The following ENO4 variants were observed in gnomAD, a reference collection of about 807,000 sequenced individuals.
ENO4 encodes the protein 2-phospho-D-glycerate hydro-lyase.
A neutral mutation model predicts 63.2 loss-of-function variants in ENO4; 53 were observed. The observed-to-expected ratio is 0.84, with a 90% CI of 0.67 to 1.05. The LOEUF is 1.05. Ranked by LOEUF, ENO4 falls within the 50% of genes least tolerant of loss-of-function variation. The probability of loss-of-function intolerance (pLI) is 0.00; values close to 1 mark genes in which losing one functional copy is unlikely to be tolerated. For missense variants in ENO4, 719 were observed against 772.0 expected (o/e 0.93, Z 0.81); for synonymous variants, 266 against 283.8 (o/e 0.94, Z 0.63).
intron 10 of ENO4, chr10:116,900,332 T>C (rs1208876758): frequency 5.2e-6 from 3 of 576,886 alleles, no homozygotes; most frequent in Admixed American, 3.0e-5. Context: ...GAGAAATAAA[T>C]TGAGCTTCAC....
chr10:116,874,096 G>T lies in ENO4; in HGVS notation c.1236G>T (p.Val412=). The T allele has an allele frequency of 6.5e-7, 1 of 1,549,052 alleles. No individual in the cohort carries two copies. The highest frequency in any genetic ancestry group is 1.4e-5 in the African/African-American group (1 of 73,136). The change falls in exon 10 of 14, where the codon GTG becomes GTT. Residue 412 remains valine (V), a synonymous_variant. Coordinates refer to ENST00000341276, the MANE Select transcript of ENO4 (RefSeq NM_001242699.2). ...ATCAGAATAAAGGAAAGTATGAAGT[G>T]ATCATGGGCACATACAAAAATGCAG... ...LMDYNKGKYE[V]IMGTYKNAAE... is the part of the protein sequence containing the mutation.
chr10:116,910,258 T>C (rs553618807), intron 10 of ENO4, among the ~76,000 whole-genome samples: 78 of 152,218 alleles, frequency 5.1e-4, no homozygotes, highest in Admixed American at 2.0e-3. Context: ...TTAAAAAAAC[T>C]TAATGTAAAG....
intron 3 of ENO4, 53 bp from the exon 4 acceptor site, chr10:116,858,937 A>G: frequency 2.4e-6 from 3 of 1,244,806 alleles, no homozygotes; most frequent in South Asian, 2.8e-5. Flanking sequence ...CCAAAATCAC[A>G]GAGTGATATT....
chr10:116,880,010 T>C, intron 13 of ENO4, 24 bp downstream of exon 13: 1 of 1,499,146 alleles, frequency 6.7e-7, no homozygotes, highest in Non-Finnish European at 9.1e-7. Flanking sequence ...TCTTGCTTTG[T>C]TTCCACTTAG....
At chr10:116,888,536 C>A (rs1032860989) in intron 10 of ENO4, among the ~76,000 whole-genome samples, 6 of 152,172 alleles carry the variant, frequency 3.9e-5, no homozygotes, top group Admixed American at 3.9e-4. Context: ...TGGGGACAAA[C>A]TAGAGCTGCA....
chr10:116,860,823 A>G lies in ENO4; in HGVS notation c.664A>G (p.Ile222Val), dbSNP rs1186743566. Residue 222 changes from isoleucine (I) to valine (V), a missense_variant, in exon 5 of 14, where the codon ATT becomes GTT. This residue lies in a region of ENO4 where 544 missense variants were observed against 583.6 expected (regional missense o/e 0.93). Coordinates refer to ENST00000341276, the MANE Select transcript of ENO4 (RefSeq NM_001242699.2). ...GRKDTITEKP[I>V]APAEPVEPVL... ...GAAGGATACTATTACAGAGAAACCT[A>G]TTGCGCCTGCAGAGCCTGTTGAGCC... 8 of 1,537,234 alleles carry G rather than the reference A, an allele frequency of 5.2e-6. No homozygotes were observed. The highest frequency in any genetic ancestry group is 2.5e-5 in the East Asian group (1 of 40,686).
Position 116,859,024 on chromosome 10 carries a change from G to A in ENO4, c.520G>A (p.Gly174Arg), listed in dbSNP as rs1442156678. 2 of 1,535,494 alleles carry A rather than the reference G, an allele frequency of 1.3e-6. No individual in the cohort carries two copies. The highest frequency in any genetic ancestry group is 1.7e-6 in the Non-Finnish European group (2 of 1,146,628). Reference protein sequence around the residue: ...FFASKVQEDKGRKELEKSLEY... With the variant: ...FFASKVQEDKRRKELEKSLEY... ...CGCAAGTAAAGTACAAGAAGATAAG[G>A]GGAGAAAAGAATTGGAAAAGAGCCT... The change falls in exon 4 of 14, where the codon GGG (glycine) becomes AGG (arginine). Residue 174 changes from glycine (G) to arginine (R), a missense_variant. Gly to Arg is a moderately radical substitution (Grantham distance 125). Around this residue, in one of 3 missense-constraint regions of ENO4, gnomAD observed 544 missense variants for 583.6 expected, o/e 0.93. Coordinates refer to ENST00000341276, the MANE Select transcript of ENO4 (RefSeq NM_001242699.2).
At chr10:116,860,768 C>A in intron 4 of ENO4, 26 bp from the exon 5 acceptor site, 1 of 1,397,726 alleles carries the variant, frequency 7.2e-7, no homozygotes, top group Non-Finnish European at 9.5e-7. Context: ...GAAATACAGT[C>A]TTACTCTCAA....
rs1847039516 is a variant in ENO4, at chr10:116,882,290, A to C, written c.*621A>C. 6.6e-6 allele frequency: 1 copy of C among 152,044 alleles called. No individual in the cohort carries two copies. The highest frequency in any genetic ancestry group is 6.6e-5 in the Admixed American group (1 of 15,260). The allele number at this position is 152,044 out of a possible 1,614,324, so 9.4% of individuals were successfully genotyped here. A position where few individuals can be genotyped will look rare whatever the true frequency, so the allele number is the denominator to read the frequency against. ...GTCTTCTTAGATCCTTTTTGGAGTA[A>C]GAATGAGTATAAATGAATAAGCACA... On this transcript the variant is annotated 3_prime_UTR_variant, in exon 14 of 14. Coordinates refer to ENST00000341276, the MANE Select transcript of ENO4 (RefSeq NM_001242699.2).
At chr10:116,870,104 A>G (rs566749116) in intron 8 of ENO4, among the ~76,000 whole-genome samples, 1 of 152,230 alleles carries the variant, frequency 6.6e-6, no homozygotes, top group Non-Finnish European at 1.5e-5. Flanking sequence ...TCTCATTGAC[A>G]TTAAAATAGT....
chr10:116,862,725 C>T, intron 6 of ENO4, 74 bp from the exon 7 acceptor site: 1 of 1,036,796 alleles, frequency 9.6e-7, no homozygotes, highest in Admixed American at 2.0e-5. Context: ...TTAGAAATAG[C>T]CACGTGTTAT....
chr10:116,912,148 G>A (rs1848224109), downstream of ENO4, among the ~76,000 whole-genome samples: 1 of 152,162 alleles, frequency 6.6e-6, no homozygotes, highest in African/African-American at 2.4e-5. Context: ...GGTAGACATC[G>A]GATTTCAAAG....
rs1353459227 is a variant in ENO4, at chr10:116,849,713, C to T, written c.147C>T (p.Ala49=). 6.5e-7 allele frequency: 1 copy of T among 1,531,130 alleles called. No individual in the cohort carries two copies. The highest frequency in any genetic ancestry group is 1.4e-5 in the African/African-American group (1 of 72,566). The allele number at this position is 1,531,130 out of a possible 1,614,324, so 94.8% of individuals were successfully genotyped here. A position where few individuals can be genotyped will look rare whatever the true frequency, so the allele number is the denominator to read the frequency against. ...LLNSTFYLQP[A]DVYGHLANCF... ...ACTCCACCTTCTACCTCCAGCCTGC[C>T]GACGTCTACGGGCACCTGGTAGGGA... The change falls in exon 1 of 14, where the codon GCC becomes GCT. Residue 49 remains alanine, a synonymous_variant. Coordinates refer to ENST00000341276, the MANE Select transcript of ENO4 (RefSeq NM_001242699.2).
rs761846286 is a variant in ENO4 at position 116,879,889 on chromosome 10, G to C, written c.1626G>C (p.Arg542=). The C allele has an allele frequency of 1.1e-4, 174 of 1,550,216 alleles. 1 individual carries two copies. The highest frequency in any genetic ancestry group is 2.2e-5 in the Non-Finnish European group (25 of 1,146,896). Residue 542 remains arginine, a synonymous_variant, in exon 13 of 14, where the codon CGG becomes CGC. Coordinates refer to ENST00000341276, the MANE Select transcript of ENO4 (RefSeq NM_001242699.2). Reference sequence around the variant, plus strand: ...TTCAGGCTGTTGGGCTTGGTGTCCGGTTCATCAAGTTGGGGGGTCTTTCCC... The same window carrying C: ...TTCAGGCTGTTGGGCTTGGTGTCCGCTTCATCAAGTTGGGGGGTCTTTCCC... The part of the protein sequence containing the change: ...LVDLAVGLGV[R]FIKLGGLSRG...
At chr10:116,888,066 G>A (rs1431816167) in intron 10 of ENO4, among the ~76,000 whole-genome samples, 1 of 152,202 alleles carries the variant, frequency 6.6e-6, no homozygotes, top group Non-Finnish European at 1.5e-5. Flanking sequence ...TATTACCTAT[G>A]TGTGGCTCGG....
intron 7 of ENO4, chr10:116,864,374 C>T (rs985305905): frequency 6.6e-6 from 1 of 152,024 alleles, no homozygotes; most frequent in African/African-American, 2.4e-5. Flanking sequence ...ATTCGGGAGG[C>T]TGAGGCAGGA....
rs2133248636 is a variant in ENO4, at chr10:116,856,558, A to G, written c.361A>G (p.Lys121Glu). ...VHENALPELA[K>E]AEEAERASAV... ...TGAGAATGCTCTGCCCGAGCTGGCCAAGGCGGAGGAGGCAGAGAGGGCCAG... is the reference window on the plus strand; with the variant it reads ...TGAGAATGCTCTGCCCGAGCTGGCCGAGGCGGAGGAGGCAGAGAGGGCCAG... The change falls in exon 3 of 14, where the codon AAG becomes GAG. Residue 121 changes from lysine (K) to glutamate (E), a missense_variant. Physicochemically the swap from Lys to Glu is moderately conservative, Grantham distance 56 (BLOSUM62 1). Transcript: ENST00000341276. 6.5e-7 allele frequency: 1 copy of G among 1,536,166 alleles called. No homozygotes were observed. The highest frequency in any genetic ancestry group is 1.7e-4 in the Middle Eastern group (1 of 5,988).
rs576498565 is a variant in ENO4, at chr10:116,854,635, T to C, written c.166-988T>C. On this transcript the variant is annotated intron_variant, in intron 1 of 13. Transcript: ENST00000341276. ...TGCGTCATGGTGTTCTAGAGACCAG[T>C]TGGTTTCTGTATCTTGAAACAAGGG... Among the ~76,000 whole-genome samples, 132 of 150,838 alleles carry C rather than the reference T, an allele frequency of 8.8e-4. 2 individuals carry two copies. In the South Asian group the frequency reaches 0.027, roughly 31 times the overall value.
At chr10:116,882,948 G>A (rs565598587), downstream of ENO4, 20 of 150,306 alleles carry the variant, frequency 1.3e-4, no homozygotes, top group African/African-American at 4.2e-4. Flanking sequence ...ATGACTGGGT[G>A]TTCACATACC....
Sources: allele counts gnomAD v4.1 joint callset (sites outside exome capture counted in the v4.1 genomes callset), GRCh38; gene constraint gnomAD v4.1.1; regional missense constraint gnomAD v4.1.1; transcripts MANE v1.5; gene names NCBI Gene and HGNC (gene_info 2026-07-23, HGNC 2026-07-21).